MAP3K20: variants seen among roughly 807,000 people sequenced by gnomAD.
MAP3K20 encodes HCCS-4.
A neutral mutation model predicts 85.7 loss-of-function variants in MAP3K20; 40 were observed. The ratio of observed to expected loss-of-function variants is 0.47; its 90% confidence interval spans 0.36 to 0.61. The LOEUF (loss-of-function observed/expected upper bound fraction) is 0.61. Among genes scored for constraint, MAP3K20 ranks in the 20% least tolerant of loss-of-function variants. MAP3K20 has a pLI of 0.00. For synonymous variants in MAP3K20, 325 were observed against 327.7 expected, an observed-to-expected ratio of 0.99 and a Z score of 0.09; for missense variants, 817 against 961.7, an observed-to-expected ratio of 0.85 and a Z score of 1.99.
rs7557767 is a variant in MAP3K20 at position 173,205,826 on chromosome 2, C to A, written c.744+1956C>A. Among the ~76,000 whole-genome samples the A allele has an allele frequency of 2.5e-3, 384 of 152,162 alleles. 3 individuals are homozygous for A. Among genetic ancestry groups the A allele is most frequent in the African/African-American group, 8.9e-3 (369 of 41,504 alleles). On this transcript the variant is annotated intron_variant, in intron 9 of 19. Coordinates refer to ENST00000375213, the MANE Select transcript of MAP3K20 (RefSeq NM_016653.3). ...TTATTAGTATTTGATGACACAGTTG[C>A]ATGGTTTTTGAATGGTCTGCCCTGC...
At chr2:173,251,341 G>A (rs7577647) in intron 16 of MAP3K20, among the ~76,000 whole-genome samples, 40,152 of 151,898 alleles carry the variant, frequency 0.26, 6,590 homozygotes, top group East Asian at 0.6. Flanking sequence ...TTTGGGGAGT[G>A]GTGGTGGATT....
intron 7 of MAP3K20, among the ~76,000 whole-genome samples, chr2:173,194,353 C>T (rs1690755235): frequency 6.6e-6 from 1 of 152,136 alleles, no homozygotes; most frequent in Non-Finnish European, 1.5e-5. Context: ...TCTTCTCATT[C>T]TGTTTGTTCT....
At chr2:173,234,333 G>C (rs1169645949) in intron 14 of MAP3K20, among the ~76,000 whole-genome samples, 2 of 152,308 alleles carry the variant, frequency 1.3e-5, no homozygotes, top group East Asian at 3.9e-4. Flanking sequence ...GCGAAGTCCA[G>C]ACTTACTATT....
At chr2:173,205,169 A>G (rs1389924622) in intron 9 of MAP3K20, among the ~76,000 whole-genome samples, 2 of 152,070 alleles carry the variant, frequency 1.3e-5, no homozygotes, top group Non-Finnish European at 2.9e-5. Context: ...AGATTAGAAT[A>G]AGAGAGCAGT....
chr2:173,180,045 A>C (rs1237823962), intron 3 of MAP3K20, among the ~76,000 whole-genome samples: 1 of 152,176 alleles, frequency 6.6e-6, no homozygotes, highest in Non-Finnish European at 1.5e-5. Context: ...TCTCCCCAAA[A>C]TGATCTATAA....
At chr2:173,167,338 C>T (rs1329247116) in intron 2 of MAP3K20, among the ~76,000 whole-genome samples, 1 of 152,072 alleles carries the variant, frequency 6.6e-6, no homozygotes, top group African/African-American at 2.4e-5. Context: ...TGGTTAACCT[C>T]ACACTTGTTT....
At chr2:173,085,183 T>C (rs192251065) in intron 1 of MAP3K20, among the ~76,000 whole-genome samples, 30 of 152,322 alleles carry the variant, frequency 2.0e-4, no homozygotes, top group East Asian at 1.9e-4. Flanking sequence ...TCAATCTAAT[T>C]CTAAAACCTT....
intron 1 of MAP3K20, among the ~76,000 whole-genome samples, chr2:173,083,751 C>G (rs1433333694): frequency 6.6e-6 from 1 of 152,126 alleles, no homozygotes; most frequent in Non-Finnish European, 1.5e-5. Flanking sequence ...ATTCACTGAT[C>G]TATGTTAAAG....
intron 2 of MAP3K20, among the ~76,000 whole-genome samples, chr2:173,108,070 C>G (rs1442038036): frequency 1.3e-5 from 2 of 152,090 alleles, no homozygotes; most frequent in African/African-American, 4.8e-5. Context: ...AAAAAATTTT[C>G]TCACCAGACA....
intron 9 of MAP3K20, among the ~76,000 whole-genome samples, chr2:173,208,089 T>C (rs976349145): frequency 6.6e-6 from 1 of 152,172 alleles, no homozygotes; most frequent in Admixed American, 6.5e-5. Flanking sequence ...TATAATTAGT[T>C]CTTATGCAAA....
intron 9 of MAP3K20, chr2:173,207,531 G>C (rs752187889): frequency 6.6e-6 from 1 of 152,180 alleles, no homozygotes; most frequent in Non-Finnish European, 1.5e-5. Flanking sequence ...AAGTTCAATA[G>C]GAAGTAGTAT....
At chr2:173,249,626 A>T (rs1469078834) in intron 16 of MAP3K20, among the ~76,000 whole-genome samples, 2 of 152,210 alleles carry the variant, frequency 1.3e-5, no homozygotes, top group African/African-American at 2.4e-5. Context: ...CCCAGTATTT[A>T]AAAATGTTAA....
intron 2 of MAP3K20, among the ~76,000 whole-genome samples, chr2:173,144,033 T>C (rs533478532): frequency 6.6e-6 from 1 of 152,138 alleles, no homozygotes; most frequent in East Asian, 1.9e-4. Context: ...TGTATAATCA[T>C]GCCTATAATC....
intron 2 of MAP3K20, among the ~76,000 whole-genome samples, chr2:173,111,982 G>A (rs1437035233): frequency 6.6e-6 from 1 of 152,098 alleles, no homozygotes; most frequent in East Asian, 1.9e-4. Flanking sequence ...GGATTGCATT[G>A]AATTTGTAGA....
At chr2:173,263,685 A>G in intron 18 of MAP3K20, 60 bp from the exon 19 acceptor site, 5 of 1,517,484 alleles carry the variant, frequency 3.3e-6, no homozygotes, top group South Asian at 1.2e-5. Flanking sequence ...ATGTGTGTCT[A>G]TTTGGTCATA....
Position 173,266,134 on chromosome 2 carries a change from T to C in MAP3K20, c.1787T>C (p.Ile596Thr), listed in dbSNP as rs1443592473. The stretch of plus-strand genomic sequence containing the variant: ...TTACAGCGTTCCCAGAGCAATCCTA[T>C]TCTGGGGTCACCGTTCTTCTCACAC... ...TSLQRSQSNP[I>T]LGSPFFSHFD... The change falls in exon 20 of 20, where the codon ATT becomes ACT. Residue 596 changes from isoleucine (I) to threonine (T), a missense_variant. Ile to Thr is a moderately conservative substitution (Grantham distance 89). This residue lies in a region of MAP3K20 where 454 missense variants were observed against 476.9 expected (regional missense o/e 0.95). Coordinates refer to ENST00000375213, the MANE Select transcript of MAP3K20 (RefSeq NM_016653.3). 1.2e-6 allele frequency: 2 copies of C among 1,613,592 alleles called. No homozygotes were observed. The highest frequency in any genetic ancestry group is 1.7e-5 in the Admixed American group (1 of 59,926).
intron 2 of MAP3K20, among the ~76,000 whole-genome samples, chr2:173,168,610 T>A (rs1326459624): frequency 2.6e-5 from 4 of 152,230 alleles, no homozygotes; most frequent in Non-Finnish European, 5.9e-5. Flanking sequence ...TTTCATTAAC[T>A]GCTGACATTC....
intron 11 of MAP3K20, among the ~76,000 whole-genome samples, chr2:173,228,331 C>T (rs972355277): frequency 6.6e-6 from 1 of 152,136 alleles, no homozygotes; most frequent in Admixed American, 6.5e-5. Context: ...CCCTCTCCCG[C>T]CATGCCAGGT....
intron 3 of MAP3K20, among the ~76,000 whole-genome samples, chr2:173,175,651 C>T (rs1690132157): frequency 6.6e-6 from 1 of 152,220 alleles, no homozygotes; most frequent in Non-Finnish European, 1.5e-5. Flanking sequence ...CAAAGAGTTC[C>T]CAGTTCTCTA....
Sources: gnomAD v4.1 joint callset for allele counts (sites outside exome capture counted in the v4.1 genomes callset) on GRCh38, gnomAD v4.1.1 for gene constraint, gnomAD v4.1.1 regional missense constraint, MANE v1.5 for transcripts, NCBI Gene and HGNC (gene_info 2026-07-23, HGNC 2026-07-21) for gene names.